TGFBI: variants seen among roughly 807,000 people sequenced by gnomAD.
TGFBI encodes transforming growth factor-beta-induced protein ig-h3.
Under a neutral mutation model 73.7 loss-of-function variants are expected in TGFBI, and 50 were observed. That is an observed-to-expected ratio of 0.68 (90% CI 0.54 to 0.86). The LOEUF is 0.86. Among genes scored for constraint, TGFBI ranks in the 40% least tolerant of loss-of-function variants. The probability of loss-of-function intolerance (pLI) is 0.00; values close to 1 mark genes in which losing one functional copy is unlikely to be tolerated. For missense variants in TGFBI, 839 were observed against 877.0 expected (o/e 0.96, Z 0.55); for synonymous variants, 362 against 360.5 (o/e 1.00, Z -0.05).
intron 10 of TGFBI, chr5:136,055,455 G>A: frequency 2.5e-6 from 1 of 406,028 alleles, no homozygotes; most frequent in Non-Finnish European, 4.3e-6. Flanking sequence ...GGACCTCTGT[G>A]TGACTTTATT....
rs570927940 is a variant in TGFBI, at chr5:136,056,708, C to G, written c.1591C>G (p.Leu531Val). The G allele has an allele frequency of 1.2e-6, 2 of 1,613,854 alleles. No homozygotes were observed. The highest frequency in any genetic ancestry group is 2.2e-5 in the South Asian group (2 of 91,058). The change falls in exon 12 of 17, where the codon CTC (leucine) becomes GTC (valine). Residue 531 changes from leucine (L) to valine (V), a missense_variant. Transcript: ENST00000442011. ...AIQSAGLTET[L>V]NREGVYTVFA... ...CCAGTCTGCAGGACTGACGGAGACC[C>G]TCAACCGGGAAGGAGTCTACACAGT...
intron 8 of TGFBI, 49 bp from the exon 9 acceptor site, chr5:136,053,894 A>G (rs1419840059): frequency 6.2e-7 from 1 of 1,607,530 alleles, no homozygotes; most frequent in Non-Finnish European, 8.5e-7. Flanking sequence ...TGAATGATAA[A>G]TGAAAACAGC....
intron 1 of TGFBI, among the ~76,000 whole-genome samples, chr5:136,031,283 C>A (rs1024112596): frequency 6.6e-6 from 1 of 152,232 alleles, no homozygotes; most frequent in Admixed American, 6.5e-5. Context: ...AGGGCTGTGG[C>A]GCCTTGTGCA....
At position 136,060,848 on chromosome 5, in the gene TGFBI, G is replaced by C. The variant is rs1751734832; in HGVS notation, c.1818G>C (p.Val606=). 6.2e-7 allele frequency: 1 copy of C among 1,600,258 alleles called. No homozygotes were observed. The highest frequency in any genetic ancestry group is 1.3e-5 in the African/African-American group (1 of 74,792). ...KLEVSLKNNV[V]SVNKEPVAEP... is the part of the protein sequence containing the mutation. ...TTTTCTTTTAGAAAAACAATGTGGT[G>C]AGTGTCAACAAGGAGCCTGTTGCCG... The change falls in exon 14 of 17, where the codon GTG becomes GTC. Residue 606 remains valine (V), a synonymous_variant. Coordinates refer to ENST00000442011, the MANE Select transcript of TGFBI (RefSeq NM_000358.3).
chr5:136,055,651 C>T, intron 10 of TGFBI, 29 bp from the exon 11 acceptor site: 1 of 1,554,584 alleles, frequency 6.4e-7, no homozygotes, highest in Non-Finnish European at 8.8e-7. Context: ...ATAACCAGTC[C>T]TTTCTTTCTC....
chr5:136,055,060 T>A, intron 10 of TGFBI, 199 bp downstream of exon 10: 1 of 657,152 alleles, frequency 1.5e-6, no homozygotes, highest in Non-Finnish European at 2.5e-6. Flanking sequence ...TGGAGGCCTT[T>A]GAGAATAAAC....
intron 1 of TGFBI, among the ~76,000 whole-genome samples, chr5:136,030,682 TTTA>T: frequency 6.6e-6 from 1 of 152,282 alleles, no homozygotes; most frequent in Admixed American, 6.5e-5. Flanking sequence ...ACCTGGCATT[TTTA>T]TTATCTCTGC....
chr5:136,043,203 C>T (rs1305457935), intron 2 of TGFBI, among the ~76,000 whole-genome samples: 1 of 152,158 alleles, frequency 6.6e-6, no homozygotes, highest in African/African-American at 2.4e-5. Flanking sequence ...TGGTTTTAAG[C>T]AAGTCTTTCT....
intron 11 of TGFBI, chr5:136,056,385 C>G: frequency 2.5e-6 from 1 of 396,044 alleles, no homozygotes; most frequent in South Asian, 3.1e-5. Flanking sequence ...CTGGGTCAGC[C>G]ATACCTCTGC....
intron 7 of TGFBI, 115 bp downstream of exon 7, chr5:136,049,695 C>T: frequency 7.8e-7 from 1 of 1,289,362 alleles, no homozygotes; most frequent in Non-Finnish European, 1.1e-6. Context: ...TCAGGATATC[C>T]ACTGCAGCCA....
intron 3 of TGFBI, 62 bp downstream of exon 3, chr5:136,044,184 A>T (rs759371406): frequency 1.4e-6 from 2 of 1,412,604 alleles, no homozygotes; most frequent in Non-Finnish European, 2.0e-6. Context: ...GGGAGAGAGG[A>T]GTACCCACAT....
rs190556170 is a variant in TGFBI, at chr5:136,061,146, C to T, written c.1906+210C>T. ...GAATGTGAGGACACATTGCTCTTTGCGGAGTTGCCCAGCTATATTAGCTCC... is the reference window on the plus strand; with the variant it reads ...GAATGTGAGGACACATTGCTCTTTGTGGAGTTGCCCAGCTATATTAGCTCC... On this transcript the variant is annotated intron_variant, in intron 14 of 16. Coordinates refer to ENST00000442011, the MANE Select transcript of TGFBI (RefSeq NM_000358.3). 9.5e-4 allele frequency: 562 copies of T among 589,266 alleles called. 4 individuals carry two copies. Among genetic ancestry groups the T allele is most frequent in the African/African-American group, 9.0e-3 (483 of 53,800 alleles). The allele number at this position is 589,266 out of a possible 1,614,324, so 36.5% of individuals were successfully genotyped here.
chr5:136,042,359 CTG>C (rs1319340890), intron 2 of TGFBI, among the ~76,000 whole-genome samples: 1 of 152,178 alleles, frequency 6.6e-6, no homozygotes, highest in Admixed American at 6.5e-5. Context: ...GACCAAGAAA[CTG>C]AGACCAGAGA....
In TGFBI at chr5:136,029,182, C is replaced by A; in HGVS notation, c.127C>A (p.Gln43Lys). 1 of 1,505,364 alleles carries A rather than the reference C, an allele frequency of 6.6e-7. No individual in the cohort carries two copies. The highest frequency in any genetic ancestry group is 8.8e-7 in the Non-Finnish European group (1 of 1,132,566). 93.3% of individuals were successfully genotyped at this position (1,505,364 alleles called of 1,614,324 possible). A position where few individuals can be genotyped will look rare whatever the true frequency, so the allele number is the denominator to read the frequency against. The stretch of plus-strand genomic sequence containing the variant: ...GCAGCACAGCAGGCTCCGGGGCCGC[C>A]AGCACGGGTAAGCCGAGCCGCCTGG... ...VLQHSRLRGRQHGPNVCAVQK... is the reference protein window; with the variant it reads ...VLQHSRLRGRKHGPNVCAVQK... Residue 43 changes from glutamine (Q) to lysine (K), a missense_variant, in exon 1 of 17, where the codon CAG (glutamine) becomes AAG (lysine). Physicochemically the swap from Gln to Lys is moderately conservative, Grantham distance 53. Transcript: ENST00000442011.
chr5:136,047,331 G>T lies in TGFBI; in HGVS notation c.682G>T (p.Val228Leu). Residue 228 changes from valine (V) to leucine (L), a missense_variant, in exon 6 of 17, where the codon GTG (valine) becomes TTG (leucine). By Grantham distance (32) the Val-to-Leu change is conservative (BLOSUM62 1). Transcript: ENST00000442011. Reference sequence around the variant, plus strand: ...AGCCGACCACCATGCAACCAACGGGGTGGTGCACCTCATCGATAAGGTCAT... The same window carrying T: ...AGCCGACCACCATGCAACCAACGGGTTGGTGCACCTCATCGATAAGGTCAT... Reference protein sequence around the residue: ...LKADHHATNGVVHLIDKVIST... With the variant: ...LKADHHATNGLVHLIDKVIST... 6.2e-7 allele frequency: 1 copy of T among 1,613,846 alleles called. No individual in the cohort carries two copies. Among genetic ancestry groups the T allele is most frequent in the Non-Finnish European group, 8.5e-7 (1 of 1,179,866 alleles).
rs191067379 is a variant in TGFBI at position 136,062,739 on chromosome 5, C to T, written c.2011+52C>T. On this transcript the variant is annotated intron_variant, in intron 16 of 16. Coordinates refer to ENST00000442011, the MANE Select transcript of TGFBI (RefSeq NM_000358.3). Reference sequence around the variant, plus strand: ...TTGCAGACCTGTTTAGGCCTTACCCCCAAGCAAGCCCAAGCCTGCCATCTG... The same window carrying T: ...TTGCAGACCTGTTTAGGCCTTACCCTCAAGCAAGCCCAAGCCTGCCATCTG... 1.1e-5 allele frequency: 17 copies of T among 1,529,496 alleles called. No individual in the cohort carries two copies. The Admixed American group carries it at 2.9e-4, about 26-fold the overall frequency. 94.7% of individuals were successfully genotyped at this position (1,529,496 alleles called of 1,614,324 possible). A position where few individuals can be genotyped will look rare whatever the true frequency, so the allele number is the denominator to read the frequency against.
intron 11 of TGFBI, 121 bp from the exon 12 acceptor site, chr5:136,056,544 A>C: frequency 6.0e-6 from 8 of 1,336,544 alleles, no homozygotes; most frequent in Non-Finnish European, 8.4e-6. Context: ...TGTGCATTCC[A>C]GTGGCCTGGA....
chr5:136,044,805 G>GGATT (rs1175969557), intron 3 of TGFBI: 1 of 152,108 alleles, frequency 6.6e-6, no homozygotes, highest in Non-Finnish European at 1.5e-5. Context: ...TATCTGCGGG[G>GGATT]GATTGATTCT....
At position 136,053,006 on chromosome 5, in the gene TGFBI, G is replaced by T; in HGVS notation, c.1013G>T (p.Gly338Val). 1 of 1,614,054 alleles carries T rather than the reference G, an allele frequency of 6.2e-7. No homozygotes were observed. The highest frequency in any genetic ancestry group is 1.1e-5 in the South Asian group (1 of 91,086). Residue 338 changes from glycine to valine, a missense_variant, in exon 8 of 17, where the codon GGC becomes GTC. Gly to Val is a moderately radical substitution (Grantham distance 109, BLOSUM62 -3). Coordinates refer to ENST00000442011, the MANE Select transcript of TGFBI (RefSeq NM_000358.3). ...ETLEGTTLEVGCSGDMLTING... is the reference protein window; with the variant it reads ...ETLEGTTLEVVCSGDMLTING... ...CTGGAGGGCACGACACTGGAGGTGG[G>T]CTGCAGCGGGGACATGCTCACTATC...
Sources: allele counts gnomAD v4.1 joint callset (sites outside exome capture counted in the v4.1 genomes callset), GRCh38; gene constraint gnomAD v4.1.1; transcripts MANE v1.5; gene names NCBI Gene and HGNC (gene_info 2026-07-23, HGNC 2026-07-21).